NOD1: variants seen among roughly 807,000 people sequenced by gnomAD.
The protein encoded by NOD1 is nucleotide-binding oligomerization domain-containing protein 1.
A neutral mutation model predicts 81.2 loss-of-function variants in NOD1; 70 were observed. The observed-to-expected ratio is 0.86, with a 90% CI of 0.71 to 1.05. NOD1 has a LOEUF of 1.05. NOD1 is among the 50% of genes least tolerant of loss of function. The pLI, the probability that NOD1 is intolerant of heterozygous loss-of-function variation, is 0.00. For synonymous variants in NOD1, 508 were observed against 526.9 expected (o/e 0.96, Z 0.49); for missense variants, 1,233 against 1,228.0 (o/e 1.00, Z -0.06).
chr7:30,435,943 GC>G, intron 11 of NOD1, 54 bp downstream of exon 11: 1 of 1,448,152 alleles, frequency 6.9e-7, no homozygotes. Context: ...GGACGACAAA[GC>G]AAGACCCTAT....
intron 13 of NOD1, among the ~76,000 whole-genome samples, chr7:30,429,082 C>A (rs992510118): frequency 2.0e-5 from 3 of 152,230 alleles, no homozygotes; most frequent in Non-Finnish European, 4.4e-5. Flanking sequence ...CTGGCCACTT[C>A]CCCCATCCCA....
chr7:30,446,466 A>C, intron 8 of NOD1: 1 of 533,662 alleles, frequency 1.9e-6, no homozygotes, highest in East Asian at 3.2e-5. Context: ...CAGGGACCTG[A>C]GCCCTCCCTG....
In NOD1 at chr7:30,452,999, C is replaced by A; in HGVS notation, c.418G>T (p.Asp140Tyr). 1 of 1,613,540 alleles carries A rather than the reference C, an allele frequency of 6.2e-7. No homozygotes were observed. Among genetic ancestry groups the A allele is most frequent in the South Asian group, 1.1e-5 (1 of 90,978 alleles). ...TQQLRHHLGR[D>Y]SKFVLCYAQK... The stretch of plus-strand genomic sequence containing the variant: ...GCATAGCACAGCACGAACTTGGAGT[C>A]ACGGCCCAGATGGTGTCGCAGCTGC... Residue 140 changes from aspartate (D) to tyrosine (Y), a missense_variant, in exon 6 of 14, where the codon GAC becomes TAC. By Grantham distance (160) the Asp-to-Tyr change is radical. Coordinates refer to ENST00000222823, the MANE Select transcript of NOD1 (RefSeq NM_006092.4).
intron 1 of NOD1, among the ~76,000 whole-genome samples, chr7:30,475,068 G>A (rs1252879062): frequency 6.6e-6 from 1 of 152,212 alleles, no homozygotes; most frequent in African/African-American, 2.4e-5. Flanking sequence ...GTTACAAGAA[G>A]CAGGGGAAGT....
Position 30,448,431 on chromosome 7 carries a change from G to A in NOD1, c.2202-50C>T, listed in dbSNP as rs767995510. On this transcript the variant is annotated intron_variant, in intron 6 of 13. Transcript: ENST00000222823. The stretch of plus-strand genomic sequence containing the variant: ...ACGAGTCAGGGCAGGCACTCATTAT[G>A]AAGGACCATTAATCTTACAAAGATC... 2.8e-6 allele frequency: 4 copies of A among 1,418,254 alleles called. No homozygotes were observed. The South Asian group carries it at 3.4e-5, about 12-fold the overall frequency. 87.9% of individuals were successfully genotyped at this position (1,418,254 alleles called of 1,614,324 possible).
At position 30,433,232 on chromosome 7, in the gene NOD1, G is replaced by A. The variant is rs137914894; in HGVS notation, c.2622-53C>T. 3.1e-4 allele frequency: 445 copies of A among 1,415,954 alleles called. 1 individual carries two copies. In the African/African-American group the frequency reaches 5.4e-3, roughly 17 times the overall value. The allele number at this position is 1,415,954 out of a possible 1,614,324, so 87.7% of individuals were successfully genotyped here. A position where few individuals can be genotyped will look rare whatever the true frequency, so the allele number is the denominator to read the frequency against. On this transcript the variant is annotated intron_variant, in intron 11 of 13. Transcript: ENST00000222823. ...CAAGAGAGCCTACTTGGCAGACATT[G>A]TTTTAGAGTTCACAGGAGCGGGAGC... is the stretch of plus-strand genomic sequence containing the variant.
intron 1 of NOD1, chr7:30,475,942 T>C (rs769812258): frequency 2.6e-5 from 4 of 152,222 alleles, no homozygotes; most frequent in Admixed American, 2.6e-4. Context: ...TCAGACCTTT[T>C]GGATAAATCA....
At position 30,460,305 on chromosome 7, in the gene NOD1, A is replaced by T. The variant is rs141381573; in HGVS notation, c.-351-264T>A. The stretch of plus-strand genomic sequence containing the variant: ...GCACTTATTACCAGAAACACCAGAC[A>T]GCCAGAGATCTGCTGGCCCTGGGGG... On this transcript the variant is annotated intron_variant, in intron 1 of 13. Coordinates refer to ENST00000222823, the MANE Select transcript of NOD1 (RefSeq NM_006092.4). 3.4e-4 allele frequency: 339 copies of T among 985,460 alleles called. No individual in the cohort carries two copies. The African/African-American group carries it at 5.4e-3, about 16-fold the overall frequency. 61.0% of individuals were successfully genotyped at this position (985,460 alleles called of 1,614,324 possible).
chr7:30,445,410 G>T (rs1213883140), intron 9 of NOD1, among the ~76,000 whole-genome samples: 2 of 151,576 alleles, frequency 1.3e-5, no homozygotes, highest in African/African-American at 4.8e-5. Context: ...TTGGATGAAT[G>T]AGTAAACAAA....
Position 30,433,076 on chromosome 7 carries a change from T to C in NOD1, c.2705+20A>G, listed in dbSNP as rs1443623113. The C allele has an allele frequency of 6.4e-7, 1 of 1,567,338 alleles. No homozygotes were observed. Among genetic ancestry groups the C allele is most frequent in the East Asian group, 2.2e-5 (1 of 44,676 alleles). On this transcript the variant is annotated intron_variant, in intron 12 of 13. Transcript: ENST00000222823. ...TTTGAAAAGTAGCACAGTCTGAAAT[T>C]GTAAGGCTCTCTGAGTTACCATAAA...
In NOD1 at chr7:30,452,621, C is replaced by T. The variant is rs2075820; in HGVS notation, c.796G>A (p.Glu266Lys). ...KHYCYPERDPEEVFAFLLRFP... is the reference protein window; with the variant it reads ...KHYCYPERDPKEVFAFLLRFP... ...CGCAGCAGGAAGGCAAACACCTCCT[C>T]GGGGTCCCGCTCTGGGTAGCAGTAG... Residue 266 changes from glutamate to lysine, a missense_variant, in exon 6 of 14, where the codon GAG becomes AAG. Transcript: ENST00000222823. The T allele has an allele frequency of 0.26, 418,251 of 1,613,520 alleles. 56,779 individuals are homozygous for T. The highest frequency in any genetic ancestry group is 0.41 in the East Asian group (18,251 of 44,866).
intron 1 of NOD1, among the ~76,000 whole-genome samples, chr7:30,473,213 C>G (rs891377481): frequency 1.3e-5 from 2 of 152,178 alleles, no homozygotes; most frequent in Non-Finnish European, 2.9e-5. Flanking sequence ...TCCACTGACC[C>G]AGACCTCAGG....
Position 30,457,039 on chromosome 7 carries a change from G to A in NOD1, c.-118C>T. 1.3e-6 allele frequency: 1 copy of A among 764,340 alleles called. No homozygotes were observed. The highest frequency in any genetic ancestry group is 2.2e-6 in the Non-Finnish European group (1 of 448,166). The allele number at this position is 764,340 out of a possible 1,614,324, so 47.3% of individuals were successfully genotyped here. A position where few individuals can be genotyped will look rare whatever the true frequency, so the allele number is the denominator to read the frequency against. The stretch of plus-strand genomic sequence containing the variant: ...TCCAGGGCCCCTGCTACTCTGCGCA[G>A]CCCCTGAAGAGATCAATGACATCAT... On this transcript the variant is annotated 5_prime_UTR_variant, in exon 4 of 14. Transcript: ENST00000222823.
intron 1 of NOD1, among the ~76,000 whole-genome samples, chr7:30,470,373 G>A (rs1788149177): frequency 6.6e-6 from 1 of 152,234 alleles, no homozygotes; most frequent in Admixed American, 6.5e-5. Flanking sequence ...GATGACAAGG[G>A]AGGGCGACCA....
intron 1 of NOD1, among the ~76,000 whole-genome samples, chr7:30,463,231 G>A (rs1258443328): frequency 3.9e-5 from 6 of 152,112 alleles, no homozygotes; most frequent in Non-Finnish European, 8.8e-5. Context: ...CTTGAAATCT[G>A]TGAATGTTAT....
At position 30,455,178 on chromosome 7, in the gene NOD1, G is replaced by A. The variant is rs145135608; in HGVS notation, c.335C>T (p.Ser112Phe). ...CACGACTTTGCTCTGAGTGAGCAGG[G>A]AAGGGGAGAAGCCGATCTCCAGCAG... ...PWLLEIGFSP[S>F]LLTQSKVVVN... The change falls in exon 5 of 14, where the codon TCC becomes TTC. Residue 112 changes from serine to phenylalanine, a missense_variant. Transcript: ENST00000222823. The A allele has an allele frequency of 6.4e-5, 103 of 1,614,120 alleles. No individual in the cohort carries two copies. In the African/African-American group the frequency reaches 1.3e-3, roughly 20 times the overall value.
At position 30,478,670 on chromosome 7, in the gene NOD1, G is replaced by A. The variant is rs1277918363; in HGVS notation, c.-416C>T. The A allele has an allele frequency of 6.6e-6, 1 of 152,404 alleles. No homozygotes were observed. The highest frequency in any genetic ancestry group is 1.5e-5 in the Non-Finnish European group (1 of 68,166). 9.4% of individuals were successfully genotyped at this position (152,404 alleles called of 1,614,324 possible). ...TAGAGAAGAGCCCGGAGAGCGCCATGGTCCGGGGACGCCGGGGCCGGGAAG... is the reference window on the plus strand; with the variant it reads ...TAGAGAAGAGCCCGGAGAGCGCCATAGTCCGGGGACGCCGGGGCCGGGAAG... On this transcript the variant is annotated 5_prime_UTR_variant, in exon 1 of 14. Transcript: ENST00000222823. This position sits in a 1 kb window ranked among gnomAD's most constrained non-coding sequence, Gnocchi z 4.1.
At chr7:30,474,498 G>A (rs904347121) in intron 1 of NOD1, among the ~76,000 whole-genome samples, 6 of 152,184 alleles carry the variant, frequency 3.9e-5, no homozygotes, top group South Asian at 2.1e-4. Context: ...AGGGGAGATC[G>A]TTTTAGGATG....
chr7:30,467,267 A>G lies in NOD1; in HGVS notation c.-351-7226T>C, dbSNP rs986764679. On this transcript the variant is annotated intron_variant, in intron 1 of 13. Coordinates refer to ENST00000222823, the MANE Select transcript of NOD1 (RefSeq NM_006092.4). This position sits in a 1 kb window ranked among gnomAD's most constrained non-coding sequence, Gnocchi z 4.5. The stretch of plus-strand genomic sequence containing the variant: ...TGCAAAGAAAACCACCTGTGAGAAG[A>G]CACACGGTGTGAGAATGAAAATTAC... Among the ~76,000 whole-genome samples, 3 of 152,188 alleles carry G rather than the reference A, an allele frequency of 2.0e-5. No homozygotes were observed. The highest frequency in any genetic ancestry group is 2.9e-5 in the Non-Finnish European group (2 of 68,028).
Sources: gnomAD v4.1 joint callset for allele counts (sites outside exome capture counted in the v4.1 genomes callset) on GRCh38, gnomAD v4.1.1 for gene constraint, Gnocchi (gnomAD v3.1) non-coding constraint, MANE v1.5 for transcripts, NCBI Gene and HGNC (gene_info 2026-07-23, HGNC 2026-07-21) for gene names.